The following KCNQ3 variants were observed in gnomAD, a reference collection of about 807,000 sequenced individuals.
The protein encoded by KCNQ3 is potassium voltage-gated channel subfamily Q member 3.
A neutral mutation model predicts 92.5 loss-of-function variants in KCNQ3; 30 were observed. That is an observed-to-expected ratio of 0.32 (90% confidence interval 0.24 to 0.44). KCNQ3 has a LOEUF of 0.44. Among genes scored for constraint, KCNQ3 ranks in the 20% least tolerant of loss-of-function variants. KCNQ3 has a pLI of 1.00. For synonymous variants in KCNQ3, 450 were observed against 468.8 expected, an observed-to-expected ratio of 0.96 and a Z score of 0.52; for missense variants, 913 against 1,140.3, an observed-to-expected ratio of 0.80 and a Z score of 2.87.
At chr8:132,144,021 T>A (rs1043248591) in intron 9 of KCNQ3, among the ~76,000 whole-genome samples, 1 of 152,194 alleles carries the variant, frequency 6.6e-6, no homozygotes, top group African/African-American at 2.4e-5. Context: ...TGAATTGAAG[T>A]TTCAGTATAA....
rs555098968 is a variant in KCNQ3, at chr8:132,154,802, C to T, written c.1262+8666G>A. On this transcript the variant is annotated intron_variant, in intron 9 of 14. Coordinates refer to ENST00000388996, the MANE Select transcript of KCNQ3 (RefSeq NM_004519.4). ...CCTTTTCACCCAATATATTTTGTAA[C>T]CTCTCACTCTTCAAAGTGCCTGCAT... is the stretch of plus-strand genomic sequence containing the variant. Among the ~76,000 whole-genome samples the T allele has an allele frequency of 2.6e-5, 4 of 152,242 alleles. No homozygotes were observed. The East Asian group carries it at 7.7e-4, about 29-fold the overall frequency.
intron 1 of KCNQ3, among the ~76,000 whole-genome samples, chr8:132,369,973 A>G (rs1428199384): frequency 6.6e-6 from 1 of 152,180 alleles, no homozygotes; most frequent in East Asian, 1.9e-4. Flanking sequence ...CCCTCTGCTG[A>G]CAATGCCCTT....
At chr8:132,427,584 G>T (rs1821143220) in intron 1 of KCNQ3, among the ~76,000 whole-genome samples, 1 of 152,190 alleles carries the variant, frequency 6.6e-6, no homozygotes, top group African/African-American at 2.4e-5. Flanking sequence ...TTTGCTCTCT[G>T]CAACAGCAAT....
intron 1 of KCNQ3, among the ~76,000 whole-genome samples, chr8:132,259,489 GA>G (rs549037516): frequency 1.2e-3 from 189 of 152,100 alleles, no homozygotes; most frequent in Non-Finnish European, 2.4e-3. Context: ...GAAATAGAAG[GA>G]AACGTCTTCA....
chr8:132,131,239 C>T (rs533825282), intron 14 of KCNQ3, among the ~76,000 whole-genome samples: 2 of 152,182 alleles, frequency 1.3e-5, no homozygotes, highest in Admixed American at 6.5e-5. Flanking sequence ...CTCTCCTGCA[C>T]GGGTCCCATT....
chr8:132,361,786 C>T (rs1819180400), intron 1 of KCNQ3, among the ~76,000 whole-genome samples: 1 of 151,978 alleles, frequency 6.6e-6, no homozygotes, highest in African/African-American at 2.4e-5. Flanking sequence ...TGGAAATTAA[C>T]CCAGATAAGA....
rs7834517 is a variant in KCNQ3, at chr8:132,253,470, C to T, written c.387-67289G>A. On this transcript the variant is annotated intron_variant, in intron 1 of 14. Transcript: ENST00000388996. ...CATATTACAAAAGAAGAAACCAAGG[C>T]GCAGAGGAGACAGGCCCAAAGTCAT... is the stretch of plus-strand genomic sequence containing the variant. Among the ~76,000 whole-genome samples, 1,076 of 152,212 alleles carry T rather than the reference C, an allele frequency of 7.1e-3. 7 individuals carry two copies. The highest frequency in any genetic ancestry group is 0.023 in the African/African-American group (974 of 41,522).
intron 8 of KCNQ3, among the ~76,000 whole-genome samples, chr8:132,169,545 C>T (rs190361597): frequency 3.5e-4 from 53 of 152,318 alleles, no homozygotes; most frequent in South Asian, 2.1e-4. Flanking sequence ...TGTCCTCTTC[C>T]GCATTTCCTT....
At chr8:132,397,339 G>A (rs927757140) in intron 1 of KCNQ3, among the ~76,000 whole-genome samples, 2 of 152,124 alleles carry the variant, frequency 1.3e-5, no homozygotes, top group Non-Finnish European at 2.9e-5. Context: ...CCAGTTGGGT[G>A]GAAAGATGGC....
At chr8:132,257,745 C>CAAAAAAAAAAAA (rs1174893538) in intron 1 of KCNQ3, among the ~76,000 whole-genome samples, 1 of 76,664 alleles carries the variant, frequency 1.3e-5, no homozygotes, top group African/African-American at 6.5e-5. Context: ...GACTCCAGCT[C>CAAAAAAAAAAAA]AAAAAAAAAA....
intron 1 of KCNQ3, among the ~76,000 whole-genome samples, chr8:132,475,013 A>C (rs1563923881): frequency 6.6e-6 from 1 of 152,236 alleles, no homozygotes; most frequent in East Asian, 1.9e-4. Context: ...TAGAATTCTC[A>C]TAAGATCCAG....
chr8:132,273,542 T>C (rs1816230452), intron 1 of KCNQ3, among the ~76,000 whole-genome samples: 1 of 152,236 alleles, frequency 6.6e-6, no homozygotes, highest in African/African-American at 2.4e-5. Context: ...ACATTTTCCC[T>C]ATTGTCTTGG....
At chr8:132,388,523 T>C (rs145349593) in intron 1 of KCNQ3, among the ~76,000 whole-genome samples, 16 of 152,236 alleles carry the variant, frequency 1.1e-4, no homozygotes, top group African/African-American at 3.6e-4. Context: ...AAAAATAATA[T>C]TAGAAAACAG....
rs150180014 is a variant in KCNQ3, at chr8:132,226,772, C to T, written c.387-40591G>A. 3.9e-5 allele frequency among the ~76,000 whole-genome samples: 6 copies of T among 152,222 alleles called. No homozygotes were observed. The East Asian group carries it at 5.8e-4, about 15-fold the overall frequency. On this transcript the variant is annotated intron_variant, in intron 1 of 14. Coordinates refer to ENST00000388996, the MANE Select transcript of KCNQ3 (RefSeq NM_004519.4). ...GGTCTTCTTGTGGATCCTGCCAAAA[C>T]GAAATCAATGAACATGGCCTGGCTG...
At chr8:132,272,951 G>A (rs952524572) in intron 1 of KCNQ3, among the ~76,000 whole-genome samples, 3 of 152,092 alleles carry the variant, frequency 2.0e-5, no homozygotes, top group South Asian at 2.1e-4. Flanking sequence ...TACACAGTCT[G>A]AAGTCTCATC....
At chr8:132,314,659 A>T (rs978968475) in intron 1 of KCNQ3, among the ~76,000 whole-genome samples, 1 of 152,242 alleles carries the variant, frequency 6.6e-6, no homozygotes, top group African/African-American at 2.4e-5. Context: ...GGTCTTAAGA[A>T]TATAAAATTT....
chr8:132,136,118 CAAAAAAAAA>C (rs67331428), intron 12 of KCNQ3, among the ~76,000 whole-genome samples: 1,203 of 40,030 alleles, frequency 0.03, 13 homozygotes, highest in Middle Eastern at 0.077. Context: ...GACTCCATCT[CAAAAAAAAA>C]AAAAAAAAAA....
chr8:132,341,627 C>T (rs924307522), intron 1 of KCNQ3, among the ~76,000 whole-genome samples: 1 of 152,196 alleles, frequency 6.6e-6, no homozygotes, highest in East Asian at 1.9e-4. Context: ...TGAAAACATG[C>T]ACAACTGTCC....
chr8:132,414,600 A>G (rs1820744484), intron 1 of KCNQ3, among the ~76,000 whole-genome samples: 1 of 152,168 alleles, frequency 6.6e-6, no homozygotes, highest in Non-Finnish European at 1.5e-5. Flanking sequence ...GCTGGGGAGG[A>G]AGGGGAATGA....
Sources: gnomAD v4.1 joint callset for allele counts (sites outside exome capture counted in the v4.1 genomes callset) on GRCh38, gnomAD v4.1.1 for gene constraint, MANE v1.5 for transcripts, NCBI Gene and HGNC (gene_info 2026-07-23, HGNC 2026-07-21) for gene names.